The following TBC1D2 variants were observed in gnomAD, a reference collection of about 807,000 sequenced individuals.
The protein encoded by TBC1D2 is TBC1 domain family member 2A.
TBC1D2 carries 58 observed loss-of-function variants against 91.1 expected under a neutral mutation model. The ratio of observed to expected loss-of-function variants is 0.64; its 90% CI spans 0.52 to 0.79. The LOEUF is 0.79. Among genes scored for constraint, TBC1D2 ranks in the 30% least tolerant of loss-of-function variants. The probability of loss-of-function intolerance (pLI) is 0.00; values close to 1 mark genes in which losing one functional copy is unlikely to be tolerated. For synonymous variants in TBC1D2, 482 were observed against 511.5 expected, an observed-to-expected ratio of 0.94 and a Z score of 0.78; for missense variants, 1,080 against 1,208.3, an observed-to-expected ratio of 0.89 and a Z score of 1.57.
At chr9:98,253,910 G>A (rs184466679) in intron 1 of TBC1D2, among the ~76,000 whole-genome samples, 3 of 152,292 alleles carry the variant, frequency 2.0e-5, no homozygotes, top group African/African-American at 4.8e-5. Flanking sequence ...CCCGCCAAGC[G>A]CAGAGCCAGG....
chr9:98,211,921 C>T (rs1043335681), intron 7 of TBC1D2, among the ~76,000 whole-genome samples: 32 of 152,100 alleles, frequency 2.1e-4, no homozygotes, highest in Non-Finnish European at 4.3e-4. Context: ...CCTCAGCCTC[C>T]TGAGTAGCTG....
chr9:98,227,717 G>T (rs987053480), intron 5 of TBC1D2, among the ~76,000 whole-genome samples: 3 of 151,660 alleles, frequency 2.0e-5, no homozygotes, highest in African/African-American at 7.3e-5. Flanking sequence ...GGGAGGCAGA[G>T]GTTGCAGTGA....
intron 7 of TBC1D2, among the ~76,000 whole-genome samples, chr9:98,212,008 G>A (rs1367100431): frequency 8.5e-5 from 13 of 152,090 alleles, no homozygotes; most frequent in South Asian, 4.1e-4. Flanking sequence ...ATGTTGCCCA[G>A]GCTGGTCTTG....
Position 98,201,593 on chromosome 9 carries a change from G to T in TBC1D2, c.2343C>A (p.His781Gln). ...AGGTGACGAGGGAGAGATCCACGTG[G>T]TGCTGCCCCAGATGGGCCATCAGCC... ...LPRLMAHLGQ[H>Q]HVDLSLVTFN... Residue 781 changes from histidine to glutamine, a missense_variant, in exon 11 of 13, where the codon CAC becomes CAA. Transcript: ENST00000465784. 6.2e-7 allele frequency: 1 copy of T among 1,614,146 alleles called. No individual in the cohort carries two copies.
At chr9:98,200,572 CG>C (rs1828468880) in intron 11 of TBC1D2, among the ~76,000 whole-genome samples, 198 bp from the exon 12 acceptor site, 1 of 93,766 alleles carries the variant, frequency 1.1e-5, no homozygotes, top group African/African-American at 4.7e-5. Flanking sequence ...GGTGGGGGGG[CG>C]GGGGAAGGGA....
Position 98,255,485 on chromosome 9 carries a change from T to C in TBC1D2, c.57A>G (p.Glu19=). 6.4e-7 allele frequency: 1 copy of C among 1,572,404 alleles called. No individual in the cohort carries two copies. Among genetic ancestry groups the C allele is most frequent in the Non-Finnish European group, 8.6e-7 (1 of 1,157,192 alleles). Residue 19 remains glutamate, a synonymous_variant, in exon 1 of 13, where the codon GAA becomes GAG. Transcript: ENST00000465784. ...PESSSSAPGS[E]ESARDPQVPP... ...GCACCTGTGGATCCCTGGCAGACTC[T>C]TCGGACCCAGGGGCAGAGGAGCTGG...
chr9:98,225,508 C>G (rs1400413552), intron 5 of TBC1D2, among the ~76,000 whole-genome samples: 2 of 152,164 alleles, frequency 1.3e-5, no homozygotes, highest in African/African-American at 2.4e-5. Flanking sequence ...AGCCCAGCCT[C>G]TAGACTTGGA....
intron 4 of TBC1D2, 148 bp downstream of exon 4, chr9:98,233,268 G>A (rs930026122): frequency 1.6e-5 from 17 of 1,066,476 alleles, no homozygotes; most frequent in Admixed American, 6.7e-5. Flanking sequence ...TTTAAGCCAC[G>A]CAGTCTATGG....
In TBC1D2 at chr9:98,229,014, C is replaced by G. The variant is rs771597287; in HGVS notation, c.916G>C (p.Glu306Gln). 1.8e-5 allele frequency: 29 copies of G among 1,614,092 alleles called. No homozygotes were observed. Among genetic ancestry groups the G allele is most frequent in the South Asian group, 3.3e-5 (3 of 91,088 alleles). Residue 306 changes from glutamate to glutamine, a missense_variant, in exon 5 of 13, where the codon GAG becomes CAG. Physicochemically the swap from Glu to Gln is conservative, Grantham distance 29 (BLOSUM62 2). Coordinates refer to ENST00000465784, the MANE Select transcript of TBC1D2 (RefSeq NM_001267571.2). ...TGTTGCTCCAAGGCTGCCACTTTCT[C>G]CTGGGCAGTTCGGTTCCGTGTGATT... ...EGITRNRTAQ[E>Q]KVAALEQQVL...
At chr9:98,250,487 G>A (rs991206164) in intron 2 of TBC1D2, among the ~76,000 whole-genome samples, 2 of 152,150 alleles carry the variant, frequency 1.3e-5, no homozygotes, top group African/African-American at 4.8e-5. Flanking sequence ...TGGGTCTGAT[G>A]TATGGGTCAG....
chr9:98,220,720 G>T, intron 6 of TBC1D2, 113 bp downstream of exon 6: 2 of 1,315,238 alleles, frequency 1.5e-6, no homozygotes. Context: ...ATTCTAGGAT[G>T]AAGGGGTATC....
intron 9 of TBC1D2, 130 bp downstream of exon 9, chr9:98,208,538 G>T: frequency 1.2e-6 from 1 of 857,356 alleles, no homozygotes; most frequent in Non-Finnish European, 1.8e-6. Flanking sequence ...ATGCTCTCTC[G>T]CCCACTGCTC....
At chr9:98,254,474 G>C (rs1829933064) in intron 1 of TBC1D2, among the ~76,000 whole-genome samples, 1 of 152,220 alleles carries the variant, frequency 6.6e-6, no homozygotes, top group African/African-American at 2.4e-5. Flanking sequence ...TAAGTAACTT[G>C]TCCAGGGTCA....
At position 98,199,513 on chromosome 9, in the gene TBC1D2, GT is replaced by G; in HGVS notation, c.2654del (p.His885ProfsTer111). 3 of 1,614,168 alleles carry G rather than the reference GT, an allele frequency of 1.9e-6. No individual in the cohort carries two copies. Among genetic ancestry groups the G allele is most frequent in the Non-Finnish European group, 2.5e-6 (3 of 1,180,022 alleles). ...GCAGCTCAGCCTCCAGCCGCTCCCG[GT>G]GGACCATGCGCAGCTGCCGCAGCTG... ...MKQLRQLRMV[H>X]RERLEAELRE... On this transcript the variant is annotated frameshift_variant, in exon 13 of 13. Coordinates refer to ENST00000465784, the MANE Select transcript of TBC1D2 (RefSeq NM_001267571.2). LOFTEE classifies it low-confidence loss of function (END_TRUNC).
At chr9:98,213,015 C>T (rs1436721870) in intron 7 of TBC1D2, 93 bp downstream of exon 7, 2 of 1,401,640 alleles carry the variant, frequency 1.4e-6, no homozygotes, top group African/African-American at 2.8e-5. Context: ...GAGGGGCAGA[C>T]AGGAAATGAG....
At chr9:98,219,203 C>T (rs905537757) in intron 6 of TBC1D2, among the ~76,000 whole-genome samples, 14 of 152,082 alleles carry the variant, frequency 9.2e-5, no homozygotes, top group Non-Finnish European at 1.8e-4. Flanking sequence ...GTCAAGAGGA[C>T]TAGTTGGGCT....
chr9:98,200,524 T>A (rs1828464886), intron 11 of TBC1D2, 150 bp from the exon 12 acceptor site: 3 of 162,776 alleles, frequency 1.8e-5, no homozygotes, highest in Non-Finnish European at 3.6e-5. Context: ...GGGGATAGGC[T>A]CCAGGGGGCT....
At chr9:98,227,781 CAAA>C (rs142610908) in intron 5 of TBC1D2, among the ~76,000 whole-genome samples, 17 of 106,016 alleles carry the variant, frequency 1.6e-4, no homozygotes, top group African/African-American at 1.6e-4. Flanking sequence ...GACTCTGTCT[CAAA>C]AAAAAAAAAA....
intron 5 of TBC1D2, among the ~76,000 whole-genome samples, chr9:98,222,652 T>A (rs1297073994): frequency 6.6e-6 from 1 of 152,176 alleles, no homozygotes; most frequent in East Asian, 1.9e-4. Flanking sequence ...GATCAGGACA[T>A]CAGCAGCCAG....
Sources: gnomAD v4.1 joint callset for allele counts (sites outside exome capture counted in the v4.1 genomes callset) on GRCh38, gnomAD v4.1.1 for gene constraint, MANE v1.5 for transcripts, NCBI Gene and HGNC (gene_info 2026-07-23, HGNC 2026-07-21) for gene names.